Variants in PAM observed in about 807,000 individuals in gnomAD.
The protein encoded by PAM is peptidylglycine alpha-amidating monooxygenase, also known as peptidyl-glycine alpha-amidating monooxygenase.
In PAM, 72 loss-of-function variants were observed where a neutral mutation model predicts 122.1. The observed-to-expected ratio is 0.59, with a 90% CI of 0.49 to 0.72. PAM has a LOEUF of 0.72. Ranked by LOEUF, PAM falls within the 30% of genes least tolerant of loss-of-function variation. The pLI, the probability that PAM is intolerant of heterozygous loss-of-function variation, is 0.00. For synonymous variants in PAM, 389 were observed against 404.4 expected (o/e 0.96, Z 0.46); for missense variants, 1,106 against 1,183.7 (o/e 0.93, Z 0.96).
rs761438159 is a variant in PAM, at chr5:102,948,456, A to AT, written c.643+17dup. Reference sequence around the variant, plus strand: ...CAGCAGGAGAAAAAGGTGAGTAATGATTTTTTAATATTTACCATTACCTCA... The same window carrying AT: ...CAGCAGGAGAAAAAGGTGAGTAATGATTTTTTTAATATTTACCATTACCTCA... On this transcript the variant is annotated intron_variant, in intron 9 of 25. Transcript: ENST00000438793. 3.0e-6 allele frequency: 4 copies of AT among 1,335,538 alleles called. No homozygotes were observed. The highest frequency in any genetic ancestry group is 2.3e-5 in the East Asian group (1 of 43,516). 82.7% of individuals were successfully genotyped at this position (1,335,538 alleles called of 1,614,324 possible).
intron 1 of PAM, among the ~76,000 whole-genome samples, chr5:102,849,381 A>G (rs1394340929): frequency 6.6e-6 from 1 of 151,944 alleles, no homozygotes; most frequent in Non-Finnish European, 1.5e-5. Flanking sequence ...ACACAGTGAA[A>G]CCCTGTCTCT....
At chr5:102,873,935 A>G (rs555378450) in intron 3 of PAM, 2 of 152,182 alleles carry the variant, frequency 1.3e-5, no homozygotes, top group Admixed American at 6.5e-5. Context: ...ATATTGAGAA[A>G]CATCCTAATT....
At chr5:102,984,984 T>G (rs888279055) in intron 15 of PAM, among the ~76,000 whole-genome samples, 6 of 151,840 alleles carry the variant, frequency 4.0e-5, no homozygotes, top group African/African-American at 1.5e-4. Flanking sequence ...GACCAACTAT[T>G]GGGTCAGTGA....
chr5:102,961,306 G>A (rs552563800), intron 14 of PAM, 77 bp downstream of exon 14: 6 of 786,862 alleles, frequency 7.6e-6, no homozygotes, highest in Non-Finnish European at 1.4e-5. Flanking sequence ...TAAAGTTACT[G>A]AGATATTGTA....
At chr5:102,902,668 C>G (rs1798327305) in intron 4 of PAM, among the ~76,000 whole-genome samples, 1 of 151,506 alleles carries the variant, frequency 6.6e-6, no homozygotes, top group South Asian at 2.1e-4. Flanking sequence ...TATTAACACA[C>G]TTGGCCACCT....
At chr5:102,813,104 C>G (rs1768478281) in intron 1 of PAM, among the ~76,000 whole-genome samples, 1 of 151,276 alleles carries the variant, frequency 6.6e-6, no homozygotes, top group Non-Finnish European at 1.5e-5. Flanking sequence ...GAGCTGTTGC[C>G]TTCTTTGTGA....
chr5:102,904,855 A>G (rs1451522725), intron 4 of PAM, among the ~76,000 whole-genome samples: 6 of 151,662 alleles, frequency 4.0e-5, no homozygotes, highest in Non-Finnish European at 1.5e-5. Flanking sequence ...TGCTAGTTAT[A>G]TAACCCATCT....
At chr5:102,946,016 T>C (rs570837242) in intron 7 of PAM, among the ~76,000 whole-genome samples, 13 of 152,242 alleles carry the variant, frequency 8.5e-5, no homozygotes, top group Admixed American at 7.2e-4. Context: ...CAGGGAAATA[T>C]GCAAAACTAG....
chr5:102,931,807 A>ACTCTCTCTCTCTCTCTCTCT (rs60775669), intron 7 of PAM, among the ~76,000 whole-genome samples: 1 of 141,350 alleles, frequency 7.1e-6, no homozygotes, highest in African/African-American at 2.7e-5. Context: ...CAAACAACAC[A>ACTCTCTCTCTCTCTCTCTCT]CTCTCTCTCT....
intron 1 of PAM, among the ~76,000 whole-genome samples, chr5:102,767,553 G>T (rs1421141506): frequency 2.0e-5 from 3 of 152,128 alleles, no homozygotes; most frequent in Non-Finnish European, 4.4e-5. Flanking sequence ...GAAGCCTATT[G>T]TAGGAATTCA....
intron 19 of PAM, among the ~76,000 whole-genome samples, 171 bp from the exon 20 acceptor site, chr5:103,007,286 T>C (rs45518833): frequency 0.25 from 38,185 of 151,922 alleles, 5,276 homozygotes; most frequent in East Asian, 0.44. Context: ...ATCTGTAATG[T>C]ATTTGTGGAT....
chr5:102,860,745 A>G (rs1783949606), intron 1 of PAM, among the ~76,000 whole-genome samples: 1 of 152,156 alleles, frequency 6.6e-6, no homozygotes, highest in African/African-American at 2.4e-5. Context: ...TAAAGGGGAA[A>G]AAAATAGTAA....
chr5:102,926,544 A>G, intron 6 of PAM, 41 bp from the exon 7 acceptor site: 1 of 1,075,606 alleles, frequency 9.3e-7, no homozygotes, highest in Non-Finnish European at 1.4e-6. Context: ...TCCATTTTAG[A>G]TGCTCATTTC....
chr5:102,785,022 T>G (rs113084542), intron 1 of PAM, among the ~76,000 whole-genome samples: 2 of 152,338 alleles, frequency 1.3e-5, no homozygotes, highest in African/African-American at 4.8e-5. Context: ...AGCAAGTCAT[T>G]TTATAAAACT....
At position 103,006,854 on chromosome 5, in the gene PAM, G is replaced by A; in HGVS notation, c.1857G>A (p.Arg619=). ...NKEGPVLILG[R]SMQPGSDQNH... ...AAGGCCCTGTATTAATCCTGGGAAGGAGCATGCAACCAGGCAGTGACCAGA... is the reference window on the plus strand; with the variant it reads ...AAGGCCCTGTATTAATCCTGGGAAGAAGCATGCAACCAGGCAGTGACCAGA... Residue 619 remains arginine, a synonymous_variant, in exon 19 of 26, where the codon AGG becomes AGA. Transcript: ENST00000438793. The A allele has an allele frequency of 7.4e-6, 12 of 1,613,992 alleles. No homozygotes were observed. The highest frequency in any genetic ancestry group is 1.0e-5 in the Non-Finnish European group (12 of 1,179,902).
intron 1 of PAM, among the ~76,000 whole-genome samples, chr5:102,819,865 A>G (rs534043554): frequency 6.6e-6 from 1 of 151,952 alleles, no homozygotes; most frequent in East Asian, 1.9e-4. Context: ...TGATTGGCAG[A>G]CACTCTGTGA....
At chr5:102,947,463 G>T (rs1374288555) in intron 8 of PAM, among the ~76,000 whole-genome samples, 1 of 152,120 alleles carries the variant, frequency 6.6e-6, no homozygotes, top group African/African-American at 2.4e-5. Flanking sequence ...TCATAAGTGG[G>T]AACTAAGCTG....
At chr5:102,947,238 G>T (rs779068034) in intron 8 of PAM, among the ~76,000 whole-genome samples, 8 of 152,134 alleles carry the variant, frequency 5.3e-5, no homozygotes, top group Non-Finnish European at 8.8e-5. Flanking sequence ...TGCCAAGTGG[G>T]CTATAAACAG....
intron 19 of PAM, 23 bp from the exon 20 acceptor site, chr5:103,007,434 T>C: frequency 1.2e-6 from 2 of 1,606,466 alleles, no homozygotes; most frequent in African/African-American, 1.3e-5. Context: ...ATTGTGTATC[T>C]AAGGCTTTTT....
Sources: gnomAD v4.1 joint callset for allele counts (sites outside exome capture counted in the v4.1 genomes callset) on GRCh38, gnomAD v4.1.1 for gene constraint, MANE v1.5 for transcripts, NCBI Gene and HGNC (gene_info 2026-07-23, HGNC 2026-07-21) for gene names.